Variants in ANK2 observed in about 807,000 individuals in gnomAD.
ANK2 encodes the protein ankyrin 2.
Under a neutral mutation model 360.5 loss-of-function variants are expected in ANK2, and 83 were observed. The observed-to-expected ratio is 0.23, with a 90% confidence interval of 0.19 to 0.28. The LOEUF (loss-of-function observed/expected upper bound fraction) is 0.28, where lower values mean the gene tolerates loss of function less well. Ranked by LOEUF, ANK2 falls within the 10% of genes least tolerant of loss-of-function variation. The pLI, the probability that ANK2 is intolerant of heterozygous loss-of-function variation, is 1.00. For synonymous variants in ANK2, 1,740 were observed against 1,759.5 expected, an observed-to-expected ratio of 0.99 and a Z score of 0.28; for missense variants, 4,201 against 4,795.7, an observed-to-expected ratio of 0.88 and a Z score of 3.66.
Position 113,272,431 on chromosome 4 carries a change from T to G in ANK2, c.1486-2021T>G, listed in dbSNP as rs536301694. 2.4e-4 allele frequency among the ~76,000 whole-genome samples: 37 copies of G among 152,338 alleles called. 1 individual carries two copies. Among genetic ancestry groups the G allele is most frequent in the South Asian group, 1.2e-3 (6 of 4,828 alleles). On this transcript the variant is annotated intron_variant, in intron 14 of 45. Transcript: ENST00000357077. ...TCTTTTCCCTGGTTTAAATTAACAT[T>G]ACCCTTAAGCAGTAAATTCAACTTT...
chr4:113,103,160 A>G lies in ANK2; in HGVS notation c.84+53348A>G, dbSNP rs989660479. Reference sequence around the variant, plus strand: ...GTGTTGTCTACTCCTGAAGTGATTAAACTATAAATAGAGCTTTCTTTGCAA... The same window carrying G: ...GTGTTGTCTACTCCTGAAGTGATTAGACTATAAATAGAGCTTTCTTTGCAA... On this transcript the variant is annotated intron_variant, in intron 1 of 45. Coordinates refer to ENST00000357077, the MANE Select transcript of ANK2 (RefSeq NM_001148.6). Among the ~76,000 whole-genome samples, 4 of 152,284 alleles carry G rather than the reference A, an allele frequency of 2.6e-5. No individual in the cohort carries two copies. In the East Asian group the frequency reaches 5.8e-4, roughly 22 times the overall value.
At chr4:112,986,650 C>T (rs1365312333) in intron 2 of ANK2, among the ~76,000 whole-genome samples, 3 of 152,168 alleles carry the variant, frequency 2.0e-5, no homozygotes, top group African/African-American at 4.8e-5. Flanking sequence ...TTGAAGGAGA[C>T]ATTTTTATAG....
At chr4:113,264,829 C>A in intron 13 of ANK2, 68 bp from the exon 14 acceptor site, 1 of 1,482,554 alleles carries the variant, frequency 6.7e-7, no homozygotes, top group Non-Finnish European at 9.2e-7. Context: ...CAAAAAGGGA[C>A]AACTTTATTC....
intron 3 of ANK2, among the ~76,000 whole-genome samples, chr4:113,196,855 T>C (rs1442608412): frequency 6.6e-6 from 1 of 152,196 alleles, no homozygotes; most frequent in Non-Finnish European, 1.5e-5. Flanking sequence ...ATTTCAGAGG[T>C]TGGCTAGAAC....
intron 1 of ANK2, among the ~76,000 whole-genome samples, chr4:113,073,298 T>G (rs1386726596): frequency 6.6e-6 from 1 of 152,110 alleles, no homozygotes; most frequent in African/African-American, 2.4e-5. Context: ...GCACAACACC[T>G]GGCACATAAA....
intron 1 of ANK2, among the ~76,000 whole-genome samples, chr4:112,865,734 A>G (rs2070270920): frequency 6.6e-6 from 1 of 152,238 alleles, no homozygotes; most frequent in African/African-American, 2.4e-5. Context: ...ATATTCTTAT[A>G]TACCTGAGAT....
intron 2 of ANK2, among the ~76,000 whole-genome samples, chr4:112,973,498 C>G (rs1010175978): frequency 5.9e-5 from 9 of 152,188 alleles, no homozygotes; most frequent in Non-Finnish European, 1.2e-4. Flanking sequence ...ATCCTGCTGT[C>G]TGTTCTCTCT....
chr4:113,210,499 T>C (rs996856925), intron 4 of ANK2, among the ~76,000 whole-genome samples: 2 of 152,208 alleles, frequency 1.3e-5, no homozygotes, highest in African/African-American at 4.8e-5. Context: ...GATTTAAACC[T>C]GGACTGTCTT....
At chr4:112,956,637 A>G (rs1368483054) in intron 2 of ANK2, among the ~76,000 whole-genome samples, 4 of 152,208 alleles carry the variant, frequency 2.6e-5, no homozygotes, top group Non-Finnish European at 5.9e-5. Context: ...ACTACTCAAA[A>G]TGGCACGCAG....
intron 26 of ANK2, among the ~76,000 whole-genome samples, chr4:113,321,396 T>C (rs541767002): frequency 1.3e-5 from 2 of 152,366 alleles, no homozygotes; most frequent in South Asian, 4.1e-4. Context: ...TTCACAATAG[T>C]AACGTTTGAC....
chr4:113,046,112 C>T (rs201944978), upstream of ANK2, among the ~76,000 whole-genome samples: 31 of 152,162 alleles, frequency 2.0e-4, no homozygotes, highest in Admixed American at 2.0e-4. Flanking sequence ...AGGAAATTGA[C>T]GGAAAGCTTT....
intron 29 of ANK2, 57 bp from the exon 30 acceptor site, chr4:113,335,789 T>G: frequency 6.5e-7 from 1 of 1,534,696 alleles, no homozygotes; most frequent in Non-Finnish European, 9.0e-7. Flanking sequence ...TTGGCTAGAA[T>G]GCTGTTAGAA....
chr4:113,310,985 A>G (rs2153818711), intron 23 of ANK2, among the ~76,000 whole-genome samples: 1 of 152,358 alleles, frequency 6.6e-6, no homozygotes, highest in East Asian at 1.9e-4. Flanking sequence ...TCCTAGAAGT[A>G]AACAACAAGG....
At chr4:113,314,100 C>T (rs2081531209) in intron 24 of ANK2, among the ~76,000 whole-genome samples, 1 of 152,054 alleles carries the variant, frequency 6.6e-6, no homozygotes, top group Non-Finnish European at 1.5e-5. Flanking sequence ...TGGAAGAATA[C>T]AAATACATAC....
At position 113,237,161 on chromosome 4, in the gene ANK2, G is replaced by A. The variant is rs764633047; in HGVS notation, c.658G>A (p.Val220Ile). ...LLLQNDHNAD[V>I]QSKMMVNRTT... is the part of the protein sequence containing the mutation. ...GCTTCAGAATGACCACAATGCTGAC[G>A]TACAATCCAAGGTACTTAAAGCTGA... Residue 220 changes from valine to isoleucine, a missense_variant, in exon 6 of 46, where the codon GTA becomes ATA. Around this residue, in one of 4 missense-constraint regions of ANK2, gnomAD observed 122 missense variants for 239.3 expected, o/e 0.51. Transcript: ENST00000357077. 8.1e-6 allele frequency: 13 copies of A among 1,613,738 alleles called. No homozygotes were observed. Among genetic ancestry groups the A allele is most frequent in the African/African-American group, 2.7e-5 (2 of 74,910 alleles).
At chr4:113,174,354 C>T (rs1342377799) in intron 1 of ANK2, 62 bp from the exon 2 acceptor site, 2 of 1,358,632 alleles carry the variant, frequency 1.5e-6, no homozygotes, top group African/African-American at 2.9e-5. Flanking sequence ...TCTTGTCTTT[C>T]TGTATTGGAT....
intron 1 of ANK2, among the ~76,000 whole-genome samples, chr4:113,147,224 G>A (rs752466395): frequency 3.9e-5 from 6 of 152,120 alleles, no homozygotes; most frequent in Non-Finnish European, 8.8e-5. Context: ...ATCACCCACC[G>A]TTAACAACCG....
intron 2 of ANK2, among the ~76,000 whole-genome samples, chr4:112,908,161 AG>A (rs1276557696): frequency 1.3e-5 from 2 of 152,202 alleles, no homozygotes; most frequent in African/African-American, 2.4e-5. Context: ...TGGTTAAAAG[AG>A]GGTTAAACTG....
Position 113,355,561 on chromosome 4 carries a change from T to C in ANK2, c.6943T>C (p.Ser2315Pro). ...TTTTCAGAAAGAGGCCACTCTAGGC[T>C]CTCCCAAAGACACAAGCCCTAAAAG... Reference protein sequence around the residue: ...ESFQKEATLGSPKDTSPKRQD... With the variant: ...ESFQKEATLGPPKDTSPKRQD... Residue 2315 changes from serine to proline, a missense_variant, in exon 38 of 46, where the codon TCT (serine) becomes CCT (proline). By Grantham distance (74) the Ser-to-Pro change is moderately conservative. Transcript: ENST00000357077. 5 of 1,613,982 alleles carry C rather than the reference T, an allele frequency of 3.1e-6. No individual in the cohort carries two copies. Among genetic ancestry groups the C allele is most frequent in the Non-Finnish European group, 4.2e-6 (5 of 1,179,956 alleles).
Sources: gnomAD v4.1 joint callset for allele counts (sites outside exome capture counted in the v4.1 genomes callset) on GRCh38, gnomAD v4.1.1 for gene constraint, gnomAD v4.1.1 regional missense constraint, MANE v1.5 for transcripts, NCBI Gene and HGNC (gene_info 2026-07-23, HGNC 2026-07-21) for gene names.